KHDRBS2: variants seen among roughly 807,000 people sequenced by gnomAD.
KHDRBS2 encodes KH RNA binding domain containing, signal transduction associated 2.
In KHDRBS2, 26 loss-of-function variants were observed where a neutral mutation model predicts 44.3. That is an observed-to-expected ratio of 0.59 (90% CI 0.43 to 0.81). KHDRBS2 has a LOEUF of 0.81. Ranked by LOEUF, KHDRBS2 falls within the 40% of genes least tolerant of loss-of-function variation. The probability of loss-of-function intolerance (pLI) is 0.00; values close to 1 mark genes in which losing one functional copy is unlikely to be tolerated. For synonymous variants in KHDRBS2, 194 were observed against 151.1 expected, an observed-to-expected ratio of 1.28 and a Z score of -2.08; for missense variants, 476 against 433.1, an observed-to-expected ratio of 1.10 and a Z score of -0.88.
chr6:62,269,957 T>A (rs1434696112), intron 1 of KHDRBS2, among the ~76,000 whole-genome samples: 1 of 152,108 alleles, frequency 6.6e-6, no homozygotes, highest in African/African-American at 2.4e-5. Context: ...AAGGATATAC[T>A]GAACCTAAGA....
intron 6 of KHDRBS2, among the ~76,000 whole-genome samples, chr6:61,768,546 T>C (rs1412468479): frequency 6.6e-6 from 1 of 152,166 alleles, no homozygotes; most frequent in Non-Finnish European, 1.5e-5. Flanking sequence ...CACTCTTTTT[T>C]ATTCCTTTTT....
chr6:61,683,936 C>T (rs556114469), intron 8 of KHDRBS2, among the ~76,000 whole-genome samples: 22 of 151,980 alleles, frequency 1.4e-4, no homozygotes, highest in African/African-American at 5.3e-4. Flanking sequence ...TTCCAAGATT[C>T]CATACCATTA....
At chr6:61,585,016 T>C in the KHDRBS2 span, among the ~76,000 whole-genome samples, 2 of 152,016 alleles carry the variant, frequency 1.3e-5, no homozygotes, top group Admixed American at 1.3e-4. Flanking sequence ...TCTTTGAAAC[T>C]ATTCTTGTAT....
chr6:61,631,335 A>AAAAAAAAAAAAG, the KHDRBS2 span, among the ~76,000 whole-genome samples: 70 of 104,726 alleles, frequency 6.7e-4, 5 homozygotes, highest in Admixed American at 7.8e-4. Flanking sequence ...AAAAAAAAAA[A>AAAAAAAAAAAAG]AAGACAATAC....
At chr6:61,882,943 C>G (rs531487213) in intron 6 of KHDRBS2, among the ~76,000 whole-genome samples, 2 of 152,088 alleles carry the variant, frequency 1.3e-5, no homozygotes, top group East Asian at 1.9e-4. Flanking sequence ...TTTCAACCAA[C>G]AAAATCCAAA....
intron 2 of KHDRBS2, among the ~76,000 whole-genome samples, chr6:62,083,017 G>A (rs1202067306): frequency 1.3e-5 from 2 of 152,096 alleles, no homozygotes; most frequent in South Asian, 2.1e-4. Context: ...AAAAGGGCAG[G>A]GTCCCTGGTG....
chr6:61,657,539 C>A, the KHDRBS2 span, among the ~76,000 whole-genome samples: 1 of 151,904 alleles, frequency 6.6e-6, no homozygotes, highest in Non-Finnish European at 1.5e-5. Context: ...TTTCACTGTG[C>A]CTTTAAAGCT....
chr6:61,646,842 CTG>C, the KHDRBS2 span, among the ~76,000 whole-genome samples: 3 of 152,016 alleles, frequency 2.0e-5, no homozygotes, highest in South Asian at 4.1e-4. Context: ...TTTTTTGAGA[CTG>C]AGTCTCACTC....
At chr6:62,159,580 C>T (rs1817191285) in intron 2 of KHDRBS2, among the ~76,000 whole-genome samples, 1 of 152,066 alleles carries the variant, frequency 6.6e-6, no homozygotes, top group Admixed American at 6.6e-5. Flanking sequence ...CCCTAAATGA[C>T]AAGGGGGTTG....
chr6:62,004,876 C>T (rs1171876562), intron 3 of KHDRBS2, among the ~76,000 whole-genome samples: 14 of 151,970 alleles, frequency 9.2e-5, no homozygotes, highest in Admixed American at 5.3e-4. Context: ...AATCAATAAA[C>T]GTAATCCATC....
chr6:62,213,008 A>C (rs1209975520), intron 1 of KHDRBS2, among the ~76,000 whole-genome samples: 1 of 152,158 alleles, frequency 6.6e-6, no homozygotes, highest in Non-Finnish European at 1.5e-5. Flanking sequence ...GAAGACTTAA[A>C]GACAGGGGAG....
At chr6:62,146,007 C>T (rs1562954916) in intron 2 of KHDRBS2, among the ~76,000 whole-genome samples, 1 of 151,740 alleles carries the variant, frequency 6.6e-6, no homozygotes, top group Non-Finnish European at 1.5e-5. Context: ...CTTTCAGTTT[C>T]CCTACTCATA....
the KHDRBS2 span, among the ~76,000 whole-genome samples, chr6:61,629,263 C>G: frequency 6.6e-6 from 1 of 152,132 alleles, no homozygotes; most frequent in South Asian, 2.1e-4. Context: ...CAAAATTGCA[C>G]CTTTAAGTAT....
chr6:62,017,921 T>A (rs1781506075), intron 3 of KHDRBS2, among the ~76,000 whole-genome samples: 1 of 151,974 alleles, frequency 6.6e-6, no homozygotes, highest in South Asian at 2.1e-4. Flanking sequence ...TTTTCATACA[T>A]CAATTTGATA....
intron 6 of KHDRBS2, among the ~76,000 whole-genome samples, chr6:61,816,155 C>G (rs1423001166): frequency 6.6e-6 from 1 of 151,996 alleles, no homozygotes; most frequent in African/African-American, 2.4e-5. Context: ...TAAAATACTT[C>G]CACAAAAAAG....
chr6:61,983,808 G>A (rs1442935695), intron 3 of KHDRBS2, among the ~76,000 whole-genome samples: 1 of 152,102 alleles, frequency 6.6e-6, no homozygotes, highest in Non-Finnish European at 1.5e-5. Flanking sequence ...AAAATGAGGT[G>A]TACTGTAAAG....
chr6:62,229,095 A>C (rs2150157735), intron 1 of KHDRBS2, among the ~76,000 whole-genome samples: 1 of 152,236 alleles, frequency 6.6e-6, no homozygotes. Flanking sequence ...ATTCCTCAGA[A>C]TTAGCAGGAG....
intron 1 of KHDRBS2, among the ~76,000 whole-genome samples, chr6:62,229,998 G>A (rs556499272): frequency 6.6e-6 from 1 of 152,124 alleles, no homozygotes; most frequent in African/African-American, 2.4e-5. Flanking sequence ...GAAACATAAT[G>A]GTCCTTCTGA....
intron 6 of KHDRBS2, among the ~76,000 whole-genome samples, chr6:61,779,588 A>G (rs1294099793): frequency 6.6e-6 from 1 of 152,214 alleles, no homozygotes; most frequent in East Asian, 1.9e-4. Flanking sequence ...ATTTGATCAG[A>G]AAATGTACAA....
Sources: allele counts gnomAD v4.1 joint callset (sites outside exome capture counted in the v4.1 genomes callset), GRCh38; gene constraint gnomAD v4.1.1; transcripts MANE v1.5; gene names NCBI Gene and HGNC (gene_info 2026-07-23, HGNC 2026-07-21).